The following CDH13 variants were observed in gnomAD, a reference collection of about 807,000 sequenced individuals.
CDH13 encodes cadherin-13.
CDH13 carries 24 observed loss-of-function variants against 63.8 expected under a neutral mutation model. The ratio of observed to expected loss-of-function variants is 0.38; its 90% confidence interval spans 0.27 to 0.53. CDH13 has a LOEUF of 0.53. Ranked by LOEUF, CDH13 falls within the 20% of genes least tolerant of loss-of-function variation. The pLI is 0.85. For missense variants in CDH13, 1,049 were observed against 903.1 expected (o/e 1.16, Z -2.07); for synonymous variants, 503 against 355.3 (o/e 1.42, Z -4.67).
intron 10 of CDH13, among the ~76,000 whole-genome samples, chr16:83,744,259 T>C (rs989941919): frequency 1.3e-5 from 2 of 152,188 alleles, no homozygotes; most frequent in Non-Finnish European, 2.9e-5. Context: ...TACCAGTGCA[T>C]GTGCCTCGCA....
chr16:82,791,455 C>T (rs1022708191), intron 1 of CDH13, among the ~76,000 whole-genome samples: 1 of 152,136 alleles, frequency 6.6e-6, no homozygotes, highest in Non-Finnish European at 1.5e-5. Context: ...GGATATAAAC[C>T]CAGGCATTCG....
intron 6 of CDH13, among the ~76,000 whole-genome samples, chr16:83,471,586 C>T (rs763324269): frequency 9.2e-5 from 14 of 152,132 alleles, no homozygotes; most frequent in Non-Finnish European, 1.9e-4. Context: ...TCTAACCACA[C>T]TTTTATGCCT....
chr16:82,703,691 A>G (rs1222767137), intron 1 of CDH13, among the ~76,000 whole-genome samples: 1 of 152,192 alleles, frequency 6.6e-6, no homozygotes, highest in African/African-American at 2.4e-5. Context: ...ACAGGTTTCT[A>G]TACTTCACAA....
At chr16:83,382,101 G>A (rs976629222) in intron 6 of CDH13, among the ~76,000 whole-genome samples, 5 of 152,184 alleles carry the variant, frequency 3.3e-5, no homozygotes, top group African/African-American at 1.2e-4. Flanking sequence ...GTGTGGTTGT[G>A]AGTAAGTCAC....
chr16:83,003,553 CATACCCAAGCAAGT>C (rs1305525386), intron 2 of CDH13, among the ~76,000 whole-genome samples: 1 of 152,210 alleles, frequency 6.6e-6, no homozygotes, highest in Non-Finnish European at 1.5e-5. Context: ...AGCTTTATTT[CATACCCAAGCAAGT>C]ATAGCTCAAT....
chr16:82,993,938 C>T lies in CDH13; in HGVS notation c.158-38072C>T, dbSNP rs749943510. 2.6e-5 allele frequency among the ~76,000 whole-genome samples: 4 copies of T among 152,126 alleles called. No homozygotes were observed. The East Asian group carries it at 7.7e-4, about 29-fold the overall frequency. On this transcript the variant is annotated intron_variant, in intron 2 of 13. Transcript: ENST00000567109. ...CATGGAAGAAGCAAGCACTCCCCCT[C>T]CGTTGTTACCCCTCCCTGCAAGATC...
At chr16:82,894,526 C>T (rs2041185292) in intron 2 of CDH13, among the ~76,000 whole-genome samples, 2 of 152,132 alleles carry the variant, frequency 1.3e-5, no homozygotes, top group Non-Finnish European at 2.9e-5. Flanking sequence ...CCTGTAACCC[C>T]AGCTACTTGG....
chr16:83,121,053 C>T lies in CDH13; in HGVS notation c.367-4332C>T, dbSNP rs112732783. On this transcript the variant is annotated intron_variant, in intron 3 of 13. Transcript: ENST00000567109. ...CTGGGATTACAGGCGTGATCCGCTG[C>T]GCCCAGCCAATGCTGTTTCTTTGTT... 2.2e-3 allele frequency among the ~76,000 whole-genome samples: 338 copies of T among 152,196 alleles called. 2 individuals carry two copies. The highest frequency in any genetic ancestry group is 7.3e-3 in the African/African-American group (301 of 41,500).
rs117998297 is a variant in CDH13, at chr16:83,632,025, G to C, written c.1101+29431G>C. 1.1e-4 allele frequency among the ~76,000 whole-genome samples: 17 copies of C among 152,326 alleles called. No individual in the cohort carries two copies. In the East Asian group the frequency reaches 3.1e-3, roughly 28 times the overall value. On this transcript the variant is annotated intron_variant, in intron 8 of 13. Transcript: ENST00000567109. Reference sequence around the variant, plus strand: ...GGAAGCAGGTGCTGCTGACAGAAATGTGGTAGTTTGAGAGAACAGGATTTT... The same window carrying C: ...GGAAGCAGGTGCTGCTGACAGAAATCTGGTAGTTTGAGAGAACAGGATTTT...
chr16:82,929,628 G>C (rs1333422954), intron 2 of CDH13, among the ~76,000 whole-genome samples: 1 of 125,914 alleles, frequency 7.9e-6, no homozygotes, highest in Admixed American at 1.0e-4. Flanking sequence ...CTCCAGCTTG[G>C]GGGACAGAGT....
chr16:83,025,370 A>G (rs1915704849), intron 2 of CDH13, among the ~76,000 whole-genome samples: 1 of 152,200 alleles, frequency 6.6e-6, no homozygotes, highest in Admixed American at 6.5e-5. Flanking sequence ...ACAGTTCAGC[A>G]TGGCTGGGGA....
At chr16:82,682,348 A>G (rs1336172059) in intron 1 of CDH13, among the ~76,000 whole-genome samples, 1 of 152,224 alleles carries the variant, frequency 6.6e-6, no homozygotes, top group Non-Finnish European at 1.5e-5. Context: ...AATGCAGAAT[A>G]GAGTAGAAAG....
chr16:83,168,180 G>A (rs1024820213), intron 4 of CDH13, among the ~76,000 whole-genome samples: 12 of 152,028 alleles, frequency 7.9e-5, no homozygotes, highest in South Asian at 2.1e-4. Flanking sequence ...ACTTGTACCC[G>A]CTGAATCTAA....
At chr16:82,966,109 C>T (rs907874992) in intron 2 of CDH13, among the ~76,000 whole-genome samples, 1 of 152,160 alleles carries the variant, frequency 6.6e-6, no homozygotes, top group Admixed American at 6.5e-5. Flanking sequence ...GTTGTCTTTA[C>T]ATCAACCTGA....
intron 1 of CDH13, among the ~76,000 whole-genome samples, chr16:82,804,942 G>A (rs971916359): frequency 3.3e-5 from 5 of 152,046 alleles, no homozygotes; most frequent in African/African-American, 1.2e-4. Context: ...CCTATTTTAA[G>A]CAGAATTATT....
At chr16:83,299,163 A>T (rs2089671383) in intron 5 of CDH13, among the ~76,000 whole-genome samples, 1 of 152,172 alleles carries the variant, frequency 6.6e-6, no homozygotes, top group South Asian at 2.1e-4. Flanking sequence ...CTGAATGGAG[A>T]TAATATCTTT....
At chr16:83,754,642 T>A (rs967792325) in intron 11 of CDH13, among the ~76,000 whole-genome samples, 2 of 152,206 alleles carry the variant, frequency 1.3e-5, no homozygotes, top group African/African-American at 4.8e-5. Context: ...TGAGATCTGA[T>A]GGTTTTATCA....
intron 2 of CDH13, among the ~76,000 whole-genome samples, chr16:82,970,006 T>G (rs1567705538): frequency 6.6e-6 from 1 of 152,082 alleles, no homozygotes; most frequent in Non-Finnish European, 1.5e-5. Context: ...CTTACGTAGG[T>G]ATACACGTGC....
At chr16:82,818,829 A>G (rs1308854348) in intron 1 of CDH13, among the ~76,000 whole-genome samples, 1 of 152,176 alleles carries the variant, frequency 6.6e-6, no homozygotes, top group Non-Finnish European at 1.5e-5. Flanking sequence ...GCATACAAAC[A>G]CCAAGTCTGC....
Sources: gnomAD v4.1 joint callset for allele counts (sites outside exome capture counted in the v4.1 genomes callset) on GRCh38, gnomAD v4.1.1 for gene constraint, MANE v1.5 for transcripts, NCBI Gene and HGNC (gene_info 2026-07-23, HGNC 2026-07-21) for gene names.